Variants in CDK5RAP2 observed in about 807,000 individuals in gnomAD.
The protein encoded by CDK5RAP2 is CDK5 regulatory subunit associated protein 2, also known as CDK5 regulatory subunit-associated protein 2.
Under a neutral mutation model 232.9 loss-of-function variants are expected in CDK5RAP2, and 147 were observed. The ratio of observed to expected loss-of-function variants is 0.63; its 90% CI spans 0.55 to 0.72. The LOEUF (loss-of-function observed/expected upper bound fraction) is 0.72, where lower values mean the gene tolerates loss of function less well. Among genes scored for constraint, CDK5RAP2 ranks in the 30% least tolerant of loss-of-function variants. The pLI is 0.00. For missense variants in CDK5RAP2, 2,195 were observed against 2,231.5 expected, an observed-to-expected ratio of 0.98 and a Z score of 0.33; for synonymous variants, 833 against 833.7, an observed-to-expected ratio of 1.00 and a Z score of 0.01.
At chr9:120,491,941 T>A (rs933474922) in intron 12 of CDK5RAP2, among the ~76,000 whole-genome samples, 3 of 152,182 alleles carry the variant, frequency 2.0e-5, no homozygotes, top group Admixed American at 1.3e-4. Context: ...TGTGGGTAAT[T>A]TTCCATTTTT....
rs2038897037 is a variant in CDK5RAP2, at chr9:120,491,362, T to C, written c.1427A>G (p.Glu476Gly). 1.9e-6 allele frequency: 3 copies of C among 1,613,524 alleles called. No individual in the cohort carries two copies. Among genetic ancestry groups the C allele is most frequent in the Admixed American group, 1.7e-5 (1 of 60,024 alleles). ...TTCTGTTAGATGTTTGATCACTTGC[T>C]CTTGATTGTGCAATTTTTTATTGCT... Reference protein sequence around the residue: ...SESNKKLHNQEQVIKHLTEST... With the variant: ...SESNKKLHNQGQVIKHLTEST... The change falls in exon 13 of 38, where the codon GAG (glutamate) becomes GGG (glycine). Residue 476 changes from glutamate (E) to glycine (G), a missense_variant. Glu to Gly is a moderately conservative substitution (Grantham distance 98, BLOSUM62 -2). Transcript: ENST00000349780.
At chr9:120,518,725 G>T in intron 11 of CDK5RAP2, 80 bp from the exon 12 acceptor site, 1 of 1,100,904 alleles carries the variant, frequency 9.1e-7, no homozygotes, top group Non-Finnish European at 1.4e-6. Flanking sequence ...GCTCTTTTTC[G>T]CCGTGGGGGA....
intron 4 of CDK5RAP2, 27 bp from the exon 5 acceptor site, chr9:120,545,817 G>C: frequency 1.3e-6 from 2 of 1,582,172 alleles, no homozygotes; most frequent in Non-Finnish European, 1.7e-6. Context: ...AGAAAGAAAA[G>C]AAACAATGTA....
intron 3 of CDK5RAP2, 106 bp from the exon 4 acceptor site, chr9:120,551,008 C>G: frequency 4.0e-6 from 3 of 744,862 alleles, no homozygotes; most frequent in South Asian, 2.8e-5. Flanking sequence ...AAAACTGATT[C>G]AAATGTTAAA....
intron 31 of CDK5RAP2, chr9:120,407,923 T>G: frequency 3.5e-6 from 1 of 285,776 alleles, no homozygotes; most frequent in Non-Finnish European, 6.9e-6. Context: ...GCAGGACGAT[T>G]ATAATAAAGG....
chr9:120,558,637 C>T (rs1358460971), intron 3 of CDK5RAP2, among the ~76,000 whole-genome samples: 1 of 152,142 alleles, frequency 6.6e-6, no homozygotes, highest in Non-Finnish European at 1.5e-5. Flanking sequence ...GCCTCCTTTC[C>T]AGTCCTGAAA....
chr9:120,518,206 TGTGTGAGAGAGA>T (rs1452035963), intron 12 of CDK5RAP2, among the ~76,000 whole-genome samples: 181 of 108,894 alleles, frequency 1.7e-3, no homozygotes, highest in East Asian at 0.013. Context: ...TGTGTGTGTG[TGTGTGAGAGAGA>T]GAGAGAGAGA....
At chr9:120,564,052 G>A (rs1021399337) in intron 3 of CDK5RAP2, among the ~76,000 whole-genome samples, 2 of 152,152 alleles carry the variant, frequency 1.3e-5, no homozygotes, top group African/African-American at 4.8e-5. Context: ...TCAATTCCTT[G>A]GAAAGGAAGC....
At chr9:120,408,566 A>G (rs2131306326) in intron 30 of CDK5RAP2, 98 bp from the exon 31 acceptor site, 2 of 1,310,442 alleles carry the variant, frequency 1.5e-6, no homozygotes, top group Non-Finnish European at 2.2e-6. Context: ...CCTCAGTCAC[A>G]AGAGTGTGGA....
intron 21 of CDK5RAP2, among the ~76,000 whole-genome samples, chr9:120,449,488 T>G (rs1339046909): frequency 6.6e-6 from 1 of 152,204 alleles, no homozygotes; most frequent in African/African-American, 2.4e-5. Context: ...ATACTCTCTG[T>G]ATAGCTTCTA....
chr9:120,422,738 T>C lies in CDK5RAP2; in HGVS notation c.3959A>G (p.Lys1320Arg). 6.2e-7 allele frequency: 1 copy of C among 1,612,152 alleles called. No individual in the cohort carries two copies. The highest frequency in any genetic ancestry group is 8.5e-7 in the Non-Finnish European group (1 of 1,178,244). Residue 1320 changes from lysine to arginine, a missense_variant, in exon 26 of 38, where the codon AAA (lysine) becomes AGA (arginine). By Grantham distance (26) the Lys-to-Arg change is conservative (BLOSUM62 2). Transcript: ENST00000349780. ...GGTGTTCATTTCCACTCCAACTGATTTTCCTGGAAGCAGAAATAACATCAA... is the reference window on the plus strand; with the variant it reads ...GGTGTTCATTTCCACTCCAACTGATCTTCCTGGAAGCAGAAATAACATCAA... ...EKLEKLFLNG[K>R]SVGVEMNTQN...
intron 6 of CDK5RAP2, among the ~76,000 whole-genome samples, chr9:120,538,019 A>C (rs540508035): frequency 5.9e-5 from 9 of 152,372 alleles, no homozygotes; most frequent in African/African-American, 2.2e-4. Flanking sequence ...CAAATGAACC[A>C]GTAAGTTAGA....
intron 12 of CDK5RAP2, among the ~76,000 whole-genome samples, chr9:120,506,867 A>G (rs908001492): frequency 2.0e-5 from 3 of 152,230 alleles, no homozygotes; most frequent in Non-Finnish European, 4.4e-5. Context: ...TGTTGAAATG[A>G]CAACAAAAGA....
rs1564218054 is a variant in CDK5RAP2, at chr9:120,439,828, TC to T, written c.3292del (p.Asp1098IlefsTer15). On this transcript the variant is annotated frameshift_variant, in exon 24 of 38. Transcript: ENST00000349780. LOFTEE classifies it high-confidence loss of function. ...PSAKVSVMGT[D>X]QSESINTSNE... ...TGAGGTATTAATGCTCTCTGACTGATCAGTCCCCATCACACTGACTTTAGCA... is the reference window on the plus strand; with the variant it reads ...TGAGGTATTAATGCTCTCTGACTGATAGTCCCCATCACACTGACTTTAGCA... The T allele has an allele frequency of 6.2e-7, 1 of 1,614,194 alleles. No individual in the cohort carries two copies. Among genetic ancestry groups the T allele is most frequent in the Non-Finnish European group, 8.5e-7 (1 of 1,180,030 alleles).
intron 4 of CDK5RAP2, among the ~76,000 whole-genome samples, chr9:120,549,168 AAAAAG>A (rs2041961307): frequency 1.3e-5 from 2 of 152,194 alleles, no homozygotes; most frequent in South Asian, 4.1e-4. Flanking sequence ...AAAAAAAAAA[AAAAAG>A]AGACAGAAAG....
intron 26 of CDK5RAP2, among the ~76,000 whole-genome samples, chr9:120,421,167 G>C (rs979292631): frequency 1.3e-5 from 2 of 152,098 alleles, no homozygotes; most frequent in African/African-American, 4.8e-5. Context: ...CTCCAGCTTT[G>C]ACCCTCTATG....
At chr9:120,472,322 G>A (rs1376986283) in intron 15 of CDK5RAP2, among the ~76,000 whole-genome samples, 5 of 152,162 alleles carry the variant, frequency 3.3e-5, no homozygotes, top group East Asian at 1.9e-4. Flanking sequence ...TGCTATAGGC[G>A]TTAACTAGGT....
intron 25 of CDK5RAP2, among the ~76,000 whole-genome samples, chr9:120,435,596 G>T (rs1038916134): frequency 2.0e-5 from 3 of 151,836 alleles, no homozygotes; most frequent in African/African-American, 4.8e-5. Context: ...CTCACTAAAA[G>T]GAATCAAGGC....
In CDK5RAP2 at chr9:120,545,711, C is replaced by CA; in HGVS notation, c.383+2dup. On this transcript the variant is annotated splice_region_variant and intron_variant, in intron 5 of 37. Transcript: ENST00000349780. ...CAAGCTTTCAACGGATGATGGTACT[C>CA]ACGAGGCTTTGATGAGCAGCTGCTC... 3 of 1,611,996 alleles carry CA rather than the reference C, an allele frequency of 1.9e-6. No homozygotes were observed. The highest frequency in any genetic ancestry group is 2.5e-6 in the Non-Finnish European group (3 of 1,178,068).
Sources: allele counts gnomAD v4.1 joint callset (sites outside exome capture counted in the v4.1 genomes callset), GRCh38; gene constraint gnomAD v4.1.1; transcripts MANE v1.5; gene names NCBI Gene and HGNC (gene_info 2026-07-23, HGNC 2026-07-21).